GALNTL6: variants seen among roughly 807,000 people sequenced by gnomAD.
The protein encoded by GALNTL6 is polypeptide N-acetylgalactosaminyltransferase-like 6.
A neutral mutation model predicts 73.7 loss-of-function variants in GALNTL6; 46 were observed. That is an observed-to-expected ratio of 0.62 (90% CI 0.49 to 0.80). The LOEUF (loss-of-function observed/expected upper bound fraction) is 0.80, where lower values mean the gene tolerates loss of function less well. Among genes scored for constraint, GALNTL6 ranks in the 30% least tolerant of loss-of-function variants. The pLI, the probability that GALNTL6 is intolerant of heterozygous loss-of-function variation, is 0.00. For missense variants in GALNTL6, 604 were observed against 755.0 expected, an observed-to-expected ratio of 0.80 and a Z score of 2.34; for synonymous variants, 259 against 263.7, an observed-to-expected ratio of 0.98 and a Z score of 0.17.
Position 172,238,412 on chromosome 4 carries a change from G to T in GALNTL6, c.247+8648G>T, listed in dbSNP as rs181478561. 2.0e-5 allele frequency among the ~76,000 whole-genome samples: 3 copies of T among 152,086 alleles called. No individual in the cohort carries two copies. In the South Asian group the frequency reaches 6.2e-4, roughly 32 times the overall value. On this transcript the variant is annotated intron_variant, in intron 3 of 12. Transcript: ENST00000506823. ...TTTGCCTCTCAGCTTGGATGTTGCT[G>T]GTGTATAGAAATGCTACTAATGTTT...
At chr4:171,953,501 G>A (rs990664760) in intron 2 of GALNTL6, among the ~76,000 whole-genome samples, 3 of 152,076 alleles carry the variant, frequency 2.0e-5, no homozygotes, top group African/African-American at 7.2e-5. Flanking sequence ...TTCAATAAGT[G>A]ATCTTGGATT....
intron 2 of GALNTL6, among the ~76,000 whole-genome samples, chr4:172,063,601 G>A (rs895136505): frequency 6.6e-6 from 1 of 151,966 alleles, no homozygotes; most frequent in Non-Finnish European, 1.5e-5. Flanking sequence ...AAAGACAATT[G>A]TTTATTAACC....
chr4:172,399,875 G>A (rs1282903338), intron 5 of GALNTL6, among the ~76,000 whole-genome samples: 1 of 151,964 alleles, frequency 6.6e-6, no homozygotes, highest in Non-Finnish European at 1.5e-5. Context: ...TGTTAAGATA[G>A]TTTTATTTAA....
At chr4:171,830,252 T>A (rs1347413342) in intron 2 of GALNTL6, among the ~76,000 whole-genome samples, 4 of 152,246 alleles carry the variant, frequency 2.6e-5, no homozygotes, top group Middle Eastern at 3.4e-3. Flanking sequence ...GATTTCAGAT[T>A]TCTGGTCTCC....
chr4:172,161,811 G>A (rs1169470660), intron 2 of GALNTL6, among the ~76,000 whole-genome samples: 2 of 152,036 alleles, frequency 1.3e-5, no homozygotes, highest in Non-Finnish European at 2.9e-5. Context: ...TATGATCAGA[G>A]TGCTATGCTT....
At chr4:172,238,513 G>A (rs560076301) in intron 3 of GALNTL6, among the ~76,000 whole-genome samples, 11 of 152,006 alleles carry the variant, frequency 7.2e-5, no homozygotes, top group African/African-American at 2.7e-4. Context: ...AGAATATGGG[G>A]TTTTCTAGTT....
At chr4:172,252,001 T>C (rs533059321) in intron 3 of GALNTL6, among the ~76,000 whole-genome samples, 6 of 152,086 alleles carry the variant, frequency 3.9e-5, no homozygotes, top group Non-Finnish European at 7.4e-5. Context: ...AACAAATTAG[T>C]GTACAGGAAG....
intron 7 of GALNTL6, among the ~76,000 whole-genome samples, chr4:172,845,794 A>G (rs778724658): frequency 3.9e-5 from 6 of 152,154 alleles, no homozygotes; most frequent in Non-Finnish European, 7.4e-5. Flanking sequence ...GATTTTTTTT[A>G]TGTTAATTCT....
intron 5 of GALNTL6, among the ~76,000 whole-genome samples, chr4:172,670,175 G>A (rs147127810): frequency 1.5e-4 from 23 of 152,146 alleles, no homozygotes; most frequent in African/African-American, 5.3e-4. Flanking sequence ...TTCCAGTAAT[G>A]GGATTGCTGG....
chr4:172,931,962 C>G (rs773417001), intron 9 of GALNTL6, among the ~76,000 whole-genome samples: 21 of 152,198 alleles, frequency 1.4e-4, no homozygotes, highest in Non-Finnish European at 3.1e-4. Context: ...TTCCATATTA[C>G]TTTCTTCAGG....
chr4:172,698,823 T>C (rs1733845112), intron 5 of GALNTL6, among the ~76,000 whole-genome samples: 1 of 152,200 alleles, frequency 6.6e-6, no homozygotes, highest in Non-Finnish European at 1.5e-5. Flanking sequence ...AAATTCTTTT[T>C]CTAATTTCCA....
intron 5 of GALNTL6, among the ~76,000 whole-genome samples, chr4:172,798,394 G>A (rs2110951647): frequency 6.6e-6 from 1 of 152,202 alleles, no homozygotes; most frequent in East Asian, 1.9e-4. Flanking sequence ...ATGATGGTGA[G>A]ATCTCATGGG....
At chr4:172,630,990 A>G (rs1472351366) in intron 5 of GALNTL6, among the ~76,000 whole-genome samples, 1 of 151,948 alleles carries the variant, frequency 6.6e-6, no homozygotes, top group Admixed American at 6.6e-5. Flanking sequence ...GATGCAATAT[A>G]TATAAACTGT....
intron 5 of GALNTL6, among the ~76,000 whole-genome samples, chr4:172,786,930 T>C (rs1045718236): frequency 6.6e-6 from 1 of 152,142 alleles, no homozygotes; most frequent in African/African-American, 2.4e-5. Context: ...CTAGATACAG[T>C]TTGAATTGTT....
rs1038483892 is a variant in GALNTL6 at position 172,183,012 on chromosome 4, G to T, written c.139-46644G>T. On this transcript the variant is annotated intron_variant, in intron 2 of 12. Coordinates refer to ENST00000506823, the MANE Select transcript of GALNTL6 (RefSeq NM_001034845.3). ...CACTAGAAGACTGGTCCATTTTATT[G>T]ATTCTTGCTGATAGATGAAAACCTG... Among the ~76,000 whole-genome samples the T allele has an allele frequency of 6.6e-5, 10 of 152,214 alleles. 1 individual carries two copies. In the South Asian group the frequency reaches 2.1e-3, roughly 32 times the overall value.
At chr4:171,847,015 T>G (rs2110853957) in intron 2 of GALNTL6, among the ~76,000 whole-genome samples, 1 of 150,144 alleles carries the variant, frequency 6.7e-6, no homozygotes, top group Admixed American at 6.7e-5. Context: ...GATATCTATA[T>G]CTCTCTCTTT....
chr4:172,625,782 G>A (rs1420228813), intron 5 of GALNTL6, among the ~76,000 whole-genome samples: 2 of 152,040 alleles, frequency 1.3e-5, no homozygotes, highest in Non-Finnish European at 2.9e-5. Flanking sequence ...TAGTGATGTT[G>A]AGTGTTTTTT....
intron 5 of GALNTL6, among the ~76,000 whole-genome samples, chr4:172,552,836 G>GAAAAAAAAAA (rs1736003479): frequency 3.5e-4 from 1 of 2,854 alleles, no homozygotes; most frequent in African/African-American, 2.3e-3. Context: ...AGTAATTGCA[G>GAAAAAAAAAA]TAAAAAAAAA....
At chr4:172,220,914 G>A (rs950405261) in intron 2 of GALNTL6, among the ~76,000 whole-genome samples, 1 of 151,830 alleles carries the variant, frequency 6.6e-6, no homozygotes, top group African/African-American at 2.4e-5. Flanking sequence ...TGAACATGAT[G>A]ATAACTATGG....
Sources: allele counts gnomAD v4.1 joint callset (sites outside exome capture counted in the v4.1 genomes callset), GRCh38; gene constraint gnomAD v4.1.1; transcripts MANE v1.5; gene names NCBI Gene and HGNC (gene_info 2026-07-23, HGNC 2026-07-21).